Variants in KLHL1 observed in about 807,000 individuals in gnomAD.
KLHL1 encodes kelch like family member 1.
Under a neutral mutation model 77.7 loss-of-function variants are expected in KLHL1, and 47 were observed. That is an observed-to-expected ratio of 0.60 (90% confidence interval 0.48 to 0.77). The LOEUF (loss-of-function observed/expected upper bound fraction) is 0.77. KLHL1 is among the 30% of genes least tolerant of loss of function. KLHL1 has a pLI of 0.00. For missense variants in KLHL1, 925 were observed against 910.8 expected, an observed-to-expected ratio of 1.02 and a Z score of -0.20; for synonymous variants, 360 against 325.2, an observed-to-expected ratio of 1.11 and a Z score of -1.15.
intron 6 of KLHL1, among the ~76,000 whole-genome samples, chr13:69,813,878 A>G (rs534484089): frequency 3.3e-5 from 5 of 152,316 alleles, no homozygotes; most frequent in Non-Finnish European, 7.4e-5. Context: ...GTTGTTTTTC[A>G]CAGACTTAGA....
chr13:69,944,599 T>C (rs552611395), intron 3 of KLHL1, among the ~76,000 whole-genome samples: 13 of 152,198 alleles, frequency 8.5e-5, no homozygotes, highest in Non-Finnish European at 1.6e-4. Context: ...CATGCTGTGC[T>C]TAGAAGCTCA....
intron 4 of KLHL1, among the ~76,000 whole-genome samples, chr13:69,923,558 GATT>G (rs2138268219): frequency 6.6e-6 from 1 of 152,234 alleles, no homozygotes; most frequent in Non-Finnish European, 1.5e-5. Flanking sequence ...GAATTAAAAT[GATT>G]ATTATTACTA....
At chr13:69,805,436 ATTG>A (rs1414461243) in intron 6 of KLHL1, among the ~76,000 whole-genome samples, 4 of 152,020 alleles carry the variant, frequency 2.6e-5, no homozygotes, top group South Asian at 4.1e-4. Flanking sequence ...ACACATTTCT[ATTG>A]TATGTATTAC....
intron 1 of KLHL1, among the ~76,000 whole-genome samples, chr13:70,100,280 A>C (rs546783178): frequency 6.6e-6 from 1 of 151,954 alleles, no homozygotes; most frequent in African/African-American, 2.4e-5. Flanking sequence ...TAATTTATTA[A>C]TATTATAACA....
intron 7 of KLHL1, among the ~76,000 whole-genome samples, chr13:69,784,156 G>C (rs1220018905): frequency 6.6e-6 from 1 of 152,158 alleles, no homozygotes; most frequent in Non-Finnish European, 1.5e-5. Context: ...TCACCACCAG[G>C]CTTGCCCTAC....
At chr13:69,766,481 TAC>T (rs1023994438) in intron 7 of KLHL1, among the ~76,000 whole-genome samples, 2 of 149,654 alleles carry the variant, frequency 1.3e-5, no homozygotes, top group African/African-American at 2.4e-5. Context: ...TATATATATA[TAC>T]ATATATATAT....
At chr13:70,088,155 G>T (rs1887589975) in intron 1 of KLHL1, among the ~76,000 whole-genome samples, 1 of 152,090 alleles carries the variant, frequency 6.6e-6, no homozygotes, top group South Asian at 2.1e-4. Flanking sequence ...TTTCAGTTCT[G>T]CTGATTTTTT....
chr13:69,774,308 T>C (rs1047761223), intron 7 of KLHL1, among the ~76,000 whole-genome samples: 1 of 152,012 alleles, frequency 6.6e-6, no homozygotes, highest in Non-Finnish European at 1.5e-5. Context: ...AAATATATAG[T>C]TGCAAAACTA....
chr13:69,947,863 CT>C (rs1883580163), intron 3 of KLHL1, among the ~76,000 whole-genome samples: 2 of 152,028 alleles, frequency 1.3e-5, no homozygotes, highest in African/African-American at 4.8e-5. Context: ...TAAAAGTTAA[CT>C]TTTAAAAAAG....
intron 1 of KLHL1, among the ~76,000 whole-genome samples, chr13:70,039,037 T>C (rs1177977411): frequency 6.6e-6 from 1 of 151,210 alleles, no homozygotes; most frequent in Non-Finnish European, 1.5e-5. Context: ...TTAACTCTTA[T>C]TCCATATATC....
chr13:69,955,961 ATT>A (rs1675967267), intron 3 of KLHL1, among the ~76,000 whole-genome samples: 2 of 132,748 alleles, frequency 1.5e-5, no homozygotes, highest in African/African-American at 5.9e-5. Context: ...TATATTTGAT[ATT>A]TATATATTTG....
intron 1 of KLHL1, among the ~76,000 whole-genome samples, chr13:70,091,338 T>C (rs989974605): frequency 6.6e-6 from 1 of 152,062 alleles, no homozygotes; most frequent in Non-Finnish European, 1.5e-5. Context: ...TTGTTCCTTC[T>C]TTTTACAATT....
intron 1 of KLHL1, among the ~76,000 whole-genome samples, chr13:69,986,139 G>A (rs1013273079): frequency 1.3e-5 from 2 of 151,760 alleles, no homozygotes; most frequent in African/African-American, 2.4e-5. Context: ...TTGGTGTCAT[G>A]TAAGTAAAGA....
chr13:69,962,114 T>C (rs952695976), intron 2 of KLHL1, among the ~76,000 whole-genome samples: 4 of 152,040 alleles, frequency 2.6e-5, no homozygotes, highest in African/African-American at 9.7e-5. Flanking sequence ...GTATAAAATA[T>C]CTATCCCTAT....
At chr13:69,936,979 G>T (rs1184811802) in intron 4 of KLHL1, among the ~76,000 whole-genome samples, 4 of 152,148 alleles carry the variant, frequency 2.6e-5, no homozygotes, top group Non-Finnish European at 5.9e-5. Context: ...AATAATGGCT[G>T]CTGCTTCTCT....
intron 1 of KLHL1, among the ~76,000 whole-genome samples, chr13:70,106,839 C>T (rs1015640556): frequency 6.6e-6 from 1 of 152,026 alleles, no homozygotes; most frequent in African/African-American, 2.4e-5. Context: ...ATGTGTAAAG[C>T]AAAATTTCAT....
chr13:69,888,384 C>T (rs757376838), intron 4 of KLHL1, among the ~76,000 whole-genome samples: 1 of 152,016 alleles, frequency 6.6e-6, no homozygotes, highest in South Asian at 2.1e-4. Flanking sequence ...AGGGTCATTG[C>T]AGATATAGTT....
intron 1 of KLHL1, among the ~76,000 whole-genome samples, chr13:70,042,850 C>T (rs1320845089): frequency 6.6e-6 from 1 of 152,118 alleles, no homozygotes; most frequent in African/African-American, 2.4e-5. Flanking sequence ...TGAAGACTCT[C>T]CAGTGGGACA....
intron 7 of KLHL1, among the ~76,000 whole-genome samples, chr13:69,752,886 C>G (rs530439050): frequency 6.6e-6 from 1 of 152,182 alleles, no homozygotes; most frequent in Non-Finnish European, 1.5e-5. Context: ...ACAGCCTCTC[C>G]GCATCCACTG....
Sources: gnomAD v4.1 joint callset for allele counts (sites outside exome capture counted in the v4.1 genomes callset) on GRCh38, gnomAD v4.1.1 for gene constraint, MANE v1.5 for transcripts, NCBI Gene and HGNC (gene_info 2026-07-23, HGNC 2026-07-21) for gene names.